Variants in TSPAN10 observed in about 807,000 individuals in gnomAD.
TSPAN10 encodes the protein tetraspanin-10.
A neutral mutation model predicts 15.0 loss-of-function variants in TSPAN10; 11 were observed. The ratio of observed to expected loss-of-function variants is 0.73; its 90% CI spans 0.46 to 1.21. TSPAN10 has a LOEUF of 1.21. TSPAN10 is among the 50% of genes most tolerant of loss of function. The pLI, the probability that TSPAN10 is intolerant of heterozygous loss-of-function variation, is 0.00. For missense variants in TSPAN10, 486 were observed against 470.6 expected (o/e 1.03, Z -0.30); for synonymous variants, 241 against 226.2 (o/e 1.07, Z -0.59).
In TSPAN10 at chr17:81,645,485, C is replaced by T. The variant is rs749530990; in HGVS notation, c.530C>T (p.Pro177Leu). The T allele has an allele frequency of 1.3e-5, 21 of 1,581,350 alleles. No individual in the cohort carries two copies. The Admixed American group carries it at 2.0e-4, about 15-fold the overall frequency. Residue 177 changes from proline to leucine, a missense_variant, in exon 2 of 3, where the codon CCG becomes CTG. Transcript: ENST00000611590. ...GCCCTGGTGGTGGCCCTCTGGGGCC[C>T]GCTGCAAGACAGCCTGGAGCACACC... is the stretch of plus-strand genomic sequence containing the variant.
At position 81,642,893 on chromosome 17, in the gene TSPAN10, T is replaced by C. The variant is rs544132826; in HGVS notation, c.36+445T>C. ...GGGGCCGGGCACAGTGGCTCACTCC[T>C]GTAATCCCAGCACTTTGGGAGGCTG... On this transcript the variant is annotated intron_variant, in intron 1 of 2. Coordinates refer to ENST00000611590, the Ensembl canonical transcript of TSPAN10. Among the ~76,000 whole-genome samples the C allele has an allele frequency of 4.7e-3, 718 of 152,086 alleles. 4 individuals carry two copies. Among genetic ancestry groups the C allele is most frequent in the South Asian group, 6.8e-3 (33 of 4,826 alleles).
exon 2 of TSPAN10, chr17:81,645,410 G>A (rs769903203): frequency 6.2e-7 from 1 of 1,603,354 alleles, no homozygotes; most frequent in Non-Finnish European, 8.5e-7. Context: ...CTGTTACGTG[G>A]CTTCTCTGGG....
At chr17:81,647,488 T>TA (rs1239808086) in intron 2 of TSPAN10, 4 of 477,312 alleles carry the variant, frequency 8.4e-6, no homozygotes, top group African/African-American at 7.8e-5. Context: ...CTCTTCCCAG[T>TA]AAGACCTGTG....
chr17:81,640,018 C>T (rs1303338879), upstream of TSPAN10, among the ~76,000 whole-genome samples: 1 of 152,060 alleles, frequency 6.6e-6, no homozygotes, highest in African/African-American at 2.4e-5. Context: ...GTCTCACTCC[C>T]ATCGCCGAGG....
exon 3 of TSPAN10, chr17:81,648,123 C>T: frequency 6.4e-7 from 1 of 1,552,240 alleles, no homozygotes; most frequent in Non-Finnish European, 8.7e-7. Context: ...GCTACGCAAT[C>T]GCGGTGGTGC....
At chr17:81,640,790 G>A (rs566948077), upstream of TSPAN10, among the ~76,000 whole-genome samples, 7 of 152,270 alleles carry the variant, frequency 4.6e-5, no homozygotes, top group African/African-American at 1.7e-4. Flanking sequence ...CCCATTCTGA[G>A]GTCCGGGGGG....
intron 1 of TSPAN10, among the ~76,000 whole-genome samples, chr17:81,644,077 G>A (rs973981983): frequency 6.2e-5 from 9 of 145,220 alleles, no homozygotes; most frequent in Admixed American, 2.1e-4. Context: ...TCGAATTCCC[G>A]ACCTCAGGTG....
At chr17:81,639,180 T>C (rs1192899690), upstream of TSPAN10, 1 of 148,862 alleles carries the variant, frequency 6.7e-6, no homozygotes, top group Admixed American at 6.8e-5. Flanking sequence ...TCTCACAGAC[T>C]GGGTGGTGGT....
At chr17:81,648,052 C>T in exon 3 of TSPAN10, 1 of 1,581,308 alleles carries the variant, frequency 6.3e-7, no homozygotes, top group Non-Finnish European at 8.6e-7. Flanking sequence ...AGTGGTGTAC[C>T]TGGAGGGCTG....
intron 2 of TSPAN10, 171 bp from the exon 4 acceptor site, chr17:81,647,728 CTG>C: frequency 1.5e-6 from 1 of 683,518 alleles, no homozygotes. Context: ...GAGCCAGGTG[CTG>C]TGTGTGTCCG....
upstream of TSPAN10, chr17:81,638,425 G>C (rs1197094575): frequency 1.3e-5 from 2 of 151,840 alleles, no homozygotes; most frequent in Non-Finnish European, 2.9e-5. Flanking sequence ...CAGCCTCCCG[G>C]GTAGCTGGGA....
At chr17:81,638,259 T>G (rs7406465), upstream of TSPAN10, 2 of 151,796 alleles carry the variant, frequency 1.3e-5, no homozygotes, top group African/African-American at 4.8e-5. Context: ...CAAAAAAAAT[T>G]AGTGTCCTTG....
At chr17:81,645,687 C>T in intron 2 of TSPAN10, 58 bp downstream of exon 3, 1 of 1,590,528 alleles carries the variant, frequency 6.3e-7, no homozygotes. Context: ...GGCCACACAC[C>T]CTTGTGCGTG....
At chr17:81,637,444 C>A (rs1012522082), upstream of TSPAN10, 7 of 644,710 alleles carry the variant, frequency 1.1e-5, no homozygotes, top group African/African-American at 1.8e-4. Context: ...CAGGATCACA[C>A]CTTCATGTTT....
At position 81,645,622 on chromosome 17, in the gene TSPAN10, C is replaced by T; in HGVS notation, c.667C>T (p.Gln223Ter). 6.2e-7 allele frequency: 1 copy of T among 1,612,188 alleles called. No individual in the cohort carries two copies. The highest frequency in any genetic ancestry group is 8.5e-7 in the Non-Finnish European group (1 of 1,179,700). ...AGCTGCCTCCTACCAGGACTGGCAG[C>T]AGAACCTGTGAGTCTTGGAGTGGGC... The change falls in exon 2 of 3, where the codon CAG becomes TAG. Residue 223 changes from glutamine (Q) to a stop codon, truncating the protein, a stop_gained. Coordinates refer to ENST00000611590, the Ensembl canonical transcript of TSPAN10. LOFTEE classifies it low-confidence loss of function (END_TRUNC).
At chr17:81,645,197 T>G (rs1341604535) in exon 2 of TSPAN10, 1 of 1,545,594 alleles carries the variant, frequency 6.5e-7, no homozygotes, top group Non-Finnish European at 8.7e-7. Context: ...TATCTGATCT[T>G]CCTCTCCAAC....
intron 2 of TSPAN10, chr17:81,647,633 A>G (rs1181607054): frequency 6.1e-6 from 4 of 657,574 alleles, no homozygotes; most frequent in Non-Finnish European, 1.1e-5. Context: ...CAACCGTCTC[A>G]CTAAATATCC....
At chr17:81,648,302 C>T, downstream of TSPAN10, 2 of 1,205,906 alleles carry the variant, frequency 1.7e-6, no homozygotes, top group Non-Finnish European at 2.1e-6. Flanking sequence ...TGAGCGCACG[C>T]CCCGAGGTCC....
At chr17:81,646,841 G>GT (rs1357863905) in intron 2 of TSPAN10, among the ~76,000 whole-genome samples, 3,649 of 53,826 alleles carry the variant, frequency 0.068, 165 homozygotes, top group African/African-American at 0.26. Flanking sequence ...CTGTCTTTTT[G>GT]TTGGTTTGTT....
Sources: allele counts gnomAD v4.1 joint callset (sites outside exome capture counted in the v4.1 genomes callset), GRCh38; gene constraint gnomAD v4.1.1; transcripts MANE v1.5; gene names NCBI Gene and HGNC (gene_info 2026-07-23, HGNC 2026-07-21).